PCDHGA12: variants seen among roughly 807,000 people sequenced by gnomAD.
The protein encoded by PCDHGA12 is protocadherin gamma subfamily A, 12, also known as protocadherin gamma-A12.
Under a neutral mutation model 61.1 loss-of-function variants are expected in PCDHGA12, and 43 were observed. The observed-to-expected ratio is 0.70, with a 90% CI of 0.55 to 0.91. The LOEUF (loss-of-function observed/expected upper bound fraction) is 0.91, where lower values mean the gene tolerates loss of function less well. PCDHGA12 is among the 40% of genes least tolerant of loss of function. PCDHGA12 has a pLI of 0.00. For missense variants in PCDHGA12, 1,236 were observed against 1,227.7 expected (o/e 1.01, Z -0.10); for synonymous variants, 520 against 542.9 (o/e 0.96, Z 0.59).
intron 1 of PCDHGA12, among the ~76,000 whole-genome samples, chr5:141,442,726 C>A (rs1160438073): frequency 2.6e-5 from 4 of 152,060 alleles, no homozygotes; most frequent in Non-Finnish European, 5.9e-5. Context: ...GCATTTGGGG[C>A]CTGTAGGTAA....
intron 1 of PCDHGA12, among the ~76,000 whole-genome samples, chr5:141,479,909 A>G (rs2099509651): frequency 6.6e-6 from 1 of 152,160 alleles, no homozygotes; most frequent in South Asian, 2.1e-4. Context: ...AAACACTGTT[A>G]TTTTGTTACT....
rs766092387 is a variant in PCDHGA12 at position 141,491,171 on chromosome 5, T to C, written c.2425-3636T>C. 7.4e-6 allele frequency: 12 copies of C among 1,613,968 alleles called. No individual in the cohort carries two copies. The highest frequency in any genetic ancestry group is 1.3e-5 in the African/African-American group (1 of 74,904). On this transcript the variant is annotated intron_variant, in intron 1 of 3. Coordinates refer to ENST00000252085, the MANE Select transcript of PCDHGA12 (RefSeq NM_003735.3). The surrounding 1 kb of genome is among the most constrained non-coding windows in gnomAD (Gnocchi z 6.9). The stretch of plus-strand genomic sequence containing the variant: ...GAGGATGACTCTGACACCCAGCAGG[T>C]GGTGGTCCTGGTGAGGGACAATGGT...
intron 1 of PCDHGA12, among the ~76,000 whole-genome samples, chr5:141,459,646 T>C (rs2098972004): frequency 6.6e-6 from 1 of 152,266 alleles, no homozygotes; most frequent in Non-Finnish European, 1.5e-5. Context: ...TTTTTCAAAA[T>C]GGTAATATCA....
intron 2 of PCDHGA12, 119 bp from the exon 3 acceptor site, chr5:141,505,274 C>T: frequency 6.6e-7 from 1 of 1,524,344 alleles, no homozygotes; most frequent in East Asian, 2.3e-5. Flanking sequence ...CTGAGAGAAA[C>T]AGGTCTTGGG....
rs2099883574 is a variant in PCDHGA12, at chr5:141,511,027, C to T, written c.2653C>T (p.Leu885=). The change falls in exon 4 of 4, where the codon CTG becomes TTG. Residue 885 remains leucine (L), a synonymous_variant. Transcript: ENST00000252085. ...CGCCCGCTACGGACCCCAGTTCACCCTGCAGCACGTGCCCGACTACCGCCA... is the reference window on the plus strand; with the variant it reads ...CGCCCGCTACGGACCCCAGTTCACCTTGCAGCACGTGCCCGACTACCGCCA... The part of the protein sequence containing the change: ...LSARYGPQFT[L]QHVPDYRQNV... 2 of 1,614,230 alleles carry T rather than the reference C, an allele frequency of 1.2e-6. No individual in the cohort carries two copies. The highest frequency in any genetic ancestry group is 1.7e-6 in the Non-Finnish European group (2 of 1,180,034).
intron 1 of PCDHGA12, among the ~76,000 whole-genome samples, chr5:141,448,728 C>T (rs575604763): frequency 6.6e-6 from 1 of 151,986 alleles, no homozygotes; most frequent in Non-Finnish European, 1.5e-5. Context: ...ATCACGAGGT[C>T]AGGAGATCGA....
At position 141,485,142 on chromosome 5, in the gene PCDHGA12, A is replaced by C. The variant is rs979255582; in HGVS notation, c.2425-9665A>C. 5 of 1,554,566 alleles carry C rather than the reference A, an allele frequency of 3.2e-6. No homozygotes were observed. The highest frequency in any genetic ancestry group is 3.5e-6 in the Non-Finnish European group (4 of 1,131,592). On this transcript the variant is annotated intron_variant, in intron 1 of 3. Transcript: ENST00000252085. The surrounding 1 kb of genome is among the most constrained non-coding windows in gnomAD (Gnocchi z 5.7). ...GGCGGGTCGGCTTCATCCGCGTCTC[A>C]GGAGCAAGTAGAGAATTAGCGGGCG... is the stretch of plus-strand genomic sequence containing the variant.
In PCDHGA12 at chr5:141,431,827, TC is replaced by T. The variant is rs571306928; in HGVS notation, c.1071del (p.Glu358LysfsTer8). 1.2e-3 allele frequency: 2,007 copies of T among 1,614,226 alleles called. No individual in the cohort carries two copies. The highest frequency in any genetic ancestry group is 1.5e-3 in the Non-Finnish European group (1,827 of 1,180,024). On this transcript the variant is annotated frameshift_variant, in exon 1 of 4. Coordinates refer to ENST00000252085, the MANE Select transcript of PCDHGA12 (RefSeq NM_003735.3). LOFTEE classifies it high-confidence loss of function. This position sits in a 1 kb window ranked among gnomAD's most constrained non-coding sequence, Gnocchi z 4.8. ...VVLTSLASSVPENSPRGTLIA... is the reference protein window; with the variant it reads ...VVLTSLASSVXENSPRGTLIA... ...TCCTCACCTCTCTCGCCAGCTCGGT[TC>T]CCGAAAACTCTCCCAGAGGGACATT...
chr5:141,488,985 C>G lies in PCDHGA12; in HGVS notation c.2425-5822C>G, dbSNP rs574857958. On this transcript the variant is annotated intron_variant, in intron 1 of 3. Transcript: ENST00000252085. ...ACTTTTTGGCCAATCAGACTCAGAG[C>G]TGAGGTGGGAGATCTGCTCTTCCAG... The G allele has an allele frequency of 7.4e-6, 3 of 405,188 alleles. No homozygotes were observed. In the South Asian group the frequency reaches 2.4e-4, roughly 32 times the overall value. The allele number at this position is 405,188 out of a possible 1,614,324, so 25.1% of individuals were successfully genotyped here.
At chr5:141,451,607 C>T (rs2154563647) in intron 1 of PCDHGA12, among the ~76,000 whole-genome samples, 1 of 152,288 alleles carries the variant, frequency 6.6e-6, no homozygotes, top group Non-Finnish European at 1.5e-5. Context: ...CAAGGCTAGG[C>T]ATGGTGGCTC....
intron 1 of PCDHGA12, among the ~76,000 whole-genome samples, chr5:141,461,604 T>G (rs1166575574): frequency 6.6e-6 from 1 of 152,228 alleles, no homozygotes; most frequent in Non-Finnish European, 1.5e-5. Context: ...TATAATTTAG[T>G]TCAAAGTATT....
intron 1 of PCDHGA12, among the ~76,000 whole-genome samples, chr5:141,481,241 A>C (rs557107835): frequency 2.0e-5 from 3 of 152,350 alleles, no homozygotes; most frequent in South Asian, 2.1e-4. Flanking sequence ...AGTATTACAT[A>C]GCATAGCTCT....
At chr5:141,507,380 C>G (rs984406173) in intron 3 of PCDHGA12, 1 of 151,954 alleles carries the variant, frequency 6.6e-6, no homozygotes, top group African/African-American at 2.4e-5. Flanking sequence ...CTTTTATTTA[C>G]TAAATCTGGC....
At chr5:141,456,175 A>G (rs2154565434) in intron 1 of PCDHGA12, among the ~76,000 whole-genome samples, 1 of 151,840 alleles carries the variant, frequency 6.6e-6, no homozygotes, top group East Asian at 1.9e-4. Context: ...GGGATTACAG[A>G]ATAATTTCTT....
rs760575047 is a variant in PCDHGA12 at position 141,493,887 on chromosome 5, G to A, written c.2425-920G>A. Among the ~76,000 whole-genome samples the A allele has an allele frequency of 1.3e-5, 2 of 152,184 alleles. No individual in the cohort carries two copies. The highest frequency in any genetic ancestry group is 2.4e-5 in the African/African-American group (1 of 41,448). On this transcript the variant is annotated intron_variant, in intron 1 of 3. Coordinates refer to ENST00000252085, the MANE Select transcript of PCDHGA12 (RefSeq NM_003735.3). The surrounding 1 kb of genome is among the most constrained non-coding windows in gnomAD (Gnocchi z 4.3). Reference sequence around the variant, plus strand: ...AGAACCAGTGAGGAGGTGGCTCTAGGAGTGCTCCATGAGAGTGTGTGATGG... The same window carrying A: ...AGAACCAGTGAGGAGGTGGCTCTAGAAGTGCTCCATGAGAGTGTGTGATGG...
At chr5:141,458,615 G>A (rs2098949624) in intron 1 of PCDHGA12, among the ~76,000 whole-genome samples, 1 of 152,088 alleles carries the variant, frequency 6.6e-6, no homozygotes, top group Admixed American at 6.6e-5. Flanking sequence ...TGTCAGCCAG[G>A]CTGGAGTGCA....
chr5:141,494,449 G>A (rs185095384), intron 1 of PCDHGA12, among the ~76,000 whole-genome samples: 2 of 152,254 alleles, frequency 1.3e-5, no homozygotes, highest in East Asian at 3.9e-4. Flanking sequence ...CACTTTAGGG[G>A]GCTTTGTCTG....
Position 141,430,977 on chromosome 5 carries a change from A to G in PCDHGA12, c.218A>G (p.Gln73Arg), listed in dbSNP as rs761722055. 20 of 1,613,408 alleles carry G rather than the reference A, an allele frequency of 1.2e-5. No homozygotes were observed. The highest frequency in any genetic ancestry group is 1.7e-4 in the Middle Eastern group (1 of 6,034). ...GVRIIPRGRT[Q>R]LFALNPRSGS... ...CGCATCATCCCCAGAGGTAGGACGC[A>G]GCTTTTCGCCCTGAATCCGCGCAGC... Residue 73 changes from glutamine (Q) to arginine (R), a missense_variant, in exon 1 of 4, where the codon CAG becomes CGG. Transcript: ENST00000252085.
Position 141,489,119 on chromosome 5 carries a change from C to T in PCDHGA12, c.2425-5688C>T, listed in dbSNP as rs1236074950. The T allele has an allele frequency of 2.0e-5, 13 of 650,240 alleles. No individual in the cohort carries two copies. Among genetic ancestry groups the T allele is most frequent in the African/African-American group, 9.1e-5 (5 of 55,178 alleles). 40.3% of individuals were successfully genotyped at this position (650,240 alleles called of 1,614,324 possible). ...GAACTGCTGCAAGCAGGCAAACCTC[C>T]GAGCAGTTTTTAAGAGGCTGGAAGG... On this transcript the variant is annotated intron_variant, in intron 1 of 3. Coordinates refer to ENST00000252085, the MANE Select transcript of PCDHGA12 (RefSeq NM_003735.3). This position sits in a 1 kb window ranked among gnomAD's most constrained non-coding sequence, Gnocchi z 4.5.
Sources: allele counts gnomAD v4.1 joint callset (sites outside exome capture counted in the v4.1 genomes callset), GRCh38; gene constraint gnomAD v4.1.1; non-coding constraint Gnocchi (gnomAD v3.1); transcripts MANE v1.5; gene names NCBI Gene and HGNC (gene_info 2026-07-23, HGNC 2026-07-21).